SIPA1L1: variants seen among roughly 807,000 people sequenced by gnomAD.
The protein encoded by SIPA1L1 is signal-induced proliferation-associated 1-like protein 1.
Under a neutral mutation model 162.7 loss-of-function variants are expected in SIPA1L1, and 26 were observed. The observed-to-expected ratio is 0.16, with a 90% CI of 0.12 to 0.22. The LOEUF is 0.22. Among genes scored for constraint, SIPA1L1 ranks in the 10% least tolerant of loss-of-function variants. The probability of loss-of-function intolerance (pLI) is 1.00; values close to 1 mark genes in which losing one functional copy is unlikely to be tolerated. For synonymous variants in SIPA1L1, 829 were observed against 837.4 expected, an observed-to-expected ratio of 0.99 and a Z score of 0.17; for missense variants, 1,874 against 2,241.0, an observed-to-expected ratio of 0.84 and a Z score of 3.31.
chr14:71,441,685 T>C (rs553615990), intron 2 of SIPA1L1, among the ~76,000 whole-genome samples: 2 of 152,300 alleles, frequency 1.3e-5, no homozygotes, highest in East Asian at 1.9e-4. Flanking sequence ...TCTCGGGTAA[T>C]TGTTCGTATA....
At chr14:71,646,935 C>CA (rs1285718810) in intron 7 of SIPA1L1, among the ~76,000 whole-genome samples, 2 of 152,090 alleles carry the variant, frequency 1.3e-5, no homozygotes, top group African/African-American at 4.8e-5. Context: ...CAAAGCAATC[C>CA]AAAATCCCCA....
chr14:71,382,510 C>G (rs568206828), intron 2 of SIPA1L1, among the ~76,000 whole-genome samples: 1 of 152,164 alleles, frequency 6.6e-6, no homozygotes, highest in African/African-American at 2.4e-5. Flanking sequence ...GAGAGAGATT[C>G]GTTTAGCCAG....
At chr14:71,418,751 T>C (rs1196892794) in intron 2 of SIPA1L1, among the ~76,000 whole-genome samples, 1 of 152,198 alleles carries the variant, frequency 6.6e-6, no homozygotes, top group African/African-American at 2.4e-5. Context: ...TGTAAATGTC[T>C]TCACTAGTAT....
chr14:71,679,653 T>G (rs561214224), intron 12 of SIPA1L1, among the ~76,000 whole-genome samples: 1 of 152,016 alleles, frequency 6.6e-6, no homozygotes, highest in Non-Finnish European at 1.5e-5. Flanking sequence ...TTTGATAGAG[T>G]CAAGACCCAT....
At chr14:71,485,741 T>G (rs1403747041) in intron 2 of SIPA1L1, among the ~76,000 whole-genome samples, 1 of 152,166 alleles carries the variant, frequency 6.6e-6, no homozygotes, top group African/African-American at 2.4e-5. Flanking sequence ...CTGCCCCCAG[T>G]GTGTGGAAAA....
In SIPA1L1 at chr14:71,588,721, G is replaced by A. The variant is rs941868179; in HGVS notation, c.849G>A (p.Lys283=). Residue 283 remains lysine (K), a synonymous_variant, in exon 5 of 24, where the codon AAG becomes AAA. Coordinates refer to ENST00000381232, the MANE Select transcript of SIPA1L1 (RefSeq NM_001386936.1). The surrounding 1 kb of genome is among the most constrained non-coding windows in gnomAD (Gnocchi z 4.3). ...RLFKEREKPL[K]RRSKSETGDS... is the part of the protein sequence containing the mutation. ...TTAAGGAAAGGGAAAAACCACTCAAGCGACGTTCAAAATCTGAAACTGGAG... is the reference window on the plus strand; with the variant it reads ...TTAAGGAAAGGGAAAAACCACTCAAACGACGTTCAAAATCTGAAACTGGAG... 1.9e-6 allele frequency: 3 copies of A among 1,613,920 alleles called. No homozygotes were observed. Among genetic ancestry groups the A allele is most frequent in the Non-Finnish European group, 2.5e-6 (3 of 1,179,972 alleles).
chr14:71,701,293 A>C (rs1223283092), intron 14 of SIPA1L1, among the ~76,000 whole-genome samples: 1 of 151,818 alleles, frequency 6.6e-6, no homozygotes, highest in East Asian at 1.9e-4. Context: ...GACACCCCAC[A>C]AGCATCAGTT....
At chr14:71,600,325 G>A (rs1027336568) in intron 5 of SIPA1L1, among the ~76,000 whole-genome samples, 4 of 152,000 alleles carry the variant, frequency 2.6e-5, no homozygotes, top group Non-Finnish European at 4.4e-5. Flanking sequence ...AATTTTCCCA[G>A]CACCATTTAT....
At chr14:71,502,255 A>AAAAAATATATATATATAT (rs67020418) in intron 2 of SIPA1L1, among the ~76,000 whole-genome samples, 5 of 97,552 alleles carry the variant, frequency 5.1e-5, no homozygotes, top group African/African-American at 2.3e-4. Context: ...AAAAAAAAAA[A>AAAAAATATATATATATAT]ATATATATAT....
intron 2 of SIPA1L1, among the ~76,000 whole-genome samples, chr14:71,344,483 T>C (rs771808470): frequency 5.3e-5 from 8 of 152,182 alleles, no homozygotes; most frequent in Non-Finnish European, 5.9e-5. Context: ...AGATGTCCAA[T>C]AGATGTTGGA....
intron 12 of SIPA1L1, among the ~76,000 whole-genome samples, chr14:71,681,862 A>G (rs547964757): frequency 2.6e-5 from 4 of 152,248 alleles, no homozygotes; most frequent in Admixed American, 6.5e-5. Context: ...AGACTGAAAA[A>G]CAGAGTAAGG....
At chr14:71,417,916 T>G (rs1177285340) in intron 2 of SIPA1L1, among the ~76,000 whole-genome samples, 1 of 152,200 alleles carries the variant, frequency 6.6e-6, no homozygotes, top group Non-Finnish European at 1.5e-5. Context: ...TGAGGTCACT[T>G]CAGAATTATT....
intron 2 of SIPA1L1, among the ~76,000 whole-genome samples, chr14:71,448,201 C>CT (rs944699088): frequency 3.3e-5 from 5 of 152,062 alleles, no homozygotes; most frequent in East Asian, 1.9e-4. Flanking sequence ...TTATTTTGCA[C>CT]TTTTTTTTCC....
chr14:71,654,132 G>A (rs1186841940), intron 8 of SIPA1L1, among the ~76,000 whole-genome samples: 1 of 152,044 alleles, frequency 6.6e-6, no homozygotes, highest in African/African-American at 2.4e-5. Flanking sequence ...ATGAACTATT[G>A]AACCATTTCT....
intron 5 of SIPA1L1, among the ~76,000 whole-genome samples, chr14:71,595,587 A>C (rs935118028): frequency 6.6e-6 from 1 of 152,176 alleles, no homozygotes; most frequent in African/African-American, 2.4e-5. Flanking sequence ...TTTTTGGAAA[A>C]AGATGATTAG....
chr14:71,345,753 A>G (rs2036097605), intron 2 of SIPA1L1, among the ~76,000 whole-genome samples: 1 of 151,624 alleles, frequency 6.6e-6, no homozygotes, highest in Non-Finnish European at 1.5e-5. Context: ...TATTTTTAGT[A>G]GAGACGGGGT....
intron 12 of SIPA1L1, among the ~76,000 whole-genome samples, chr14:71,681,340 G>A (rs1403435227): frequency 6.6e-6 from 1 of 152,200 alleles, no homozygotes; most frequent in Non-Finnish European, 1.5e-5. Context: ...GTACCTGGAT[G>A]AACAGACTAA....
intron 2 of SIPA1L1, among the ~76,000 whole-genome samples, chr14:71,352,056 T>A (rs902296706): frequency 2.0e-5 from 3 of 151,662 alleles, no homozygotes; most frequent in Non-Finnish European, 4.4e-5. Flanking sequence ...ACAGTGAGAC[T>A]GGTGGAAATA....
At chr14:71,336,757 C>A (rs748510349) in intron 2 of SIPA1L1, among the ~76,000 whole-genome samples, 1 of 152,176 alleles carries the variant, frequency 6.6e-6, no homozygotes, top group Admixed American at 6.5e-5. Context: ...ATTGTTTTAC[C>A]GCACCTTTCC....
Sources: gnomAD v4.1 joint callset for allele counts (sites outside exome capture counted in the v4.1 genomes callset) on GRCh38, gnomAD v4.1.1 for gene constraint, Gnocchi (gnomAD v3.1) non-coding constraint, MANE v1.5 for transcripts, NCBI Gene and HGNC (gene_info 2026-07-23, HGNC 2026-07-21) for gene names.